The following GNG2 variants were observed in gnomAD, a reference collection of about 807,000 sequenced individuals.
GNG2 encodes the protein G protein subunit gamma 2.
GNG2 carries 5 observed loss-of-function variants against 5.5 expected under a neutral mutation model. The ratio of observed to expected loss-of-function variants is 0.91; its 90% CI spans 0.48 to 1.92. The LOEUF is 1.92. Ranked by LOEUF, GNG2 falls within the 30% of genes most tolerant of loss-of-function variation. The probability of loss-of-function intolerance (pLI) is 0.01; values close to 1 mark genes in which losing one functional copy is unlikely to be tolerated. For missense variants in GNG2, 55 were observed against 88.4 expected (o/e 0.62, Z 1.52); for synonymous variants, 28 against 32.0 (o/e 0.88, Z 0.42).
At chr14:51,941,638 A>C (rs1184584582) in intron 2 of GNG2, among the ~76,000 whole-genome samples, 1 of 152,222 alleles carries the variant, frequency 6.6e-6, no homozygotes, top group Non-Finnish European at 1.5e-5. Context: ...ACCCATTAAC[A>C]AACCATTTAT....
At chr14:51,955,601 C>T (rs1415185795) in intron 3 of GNG2, among the ~76,000 whole-genome samples, 4 of 152,032 alleles carry the variant, frequency 2.6e-5, no homozygotes, top group African/African-American at 9.7e-5. Flanking sequence ...TACTATATTC[C>T]CCATGACATT....
At chr14:51,911,159 G>A (rs929412814) in intron 2 of GNG2, among the ~76,000 whole-genome samples, 2 of 152,182 alleles carry the variant, frequency 1.3e-5, no homozygotes, top group Non-Finnish European at 2.9e-5. Context: ...ACCATTGGTC[G>A]GCTTTGGCAT....
rs373901333 is a variant in GNG2, at chr14:51,966,718, G to A, written c.*31G>A. 12 of 1,604,108 alleles carry A rather than the reference G, an allele frequency of 7.5e-6. No individual in the cohort carries two copies. Among genetic ancestry groups the A allele is most frequent in the Non-Finnish European group, 1.0e-5 (12 of 1,171,220 alleles). Reference sequence around the variant, plus strand: ...TGAGAGGGGCCTGAAGAGCCTCCGGGCTCCTGGGACATTGATGTAGAGTTT... The same window carrying A: ...TGAGAGGGGCCTGAAGAGCCTCCGGACTCCTGGGACATTGATGTAGAGTTT... On this transcript the variant is annotated 3_prime_UTR_variant, in exon 4 of 4. Coordinates refer to ENST00000556766, the MANE Select transcript of GNG2 (RefSeq NM_053064.5).
chr14:51,960,973 C>T (rs944795652), intron 3 of GNG2, among the ~76,000 whole-genome samples: 9 of 152,166 alleles, frequency 5.9e-5, no homozygotes, highest in African/African-American at 2.2e-4. Flanking sequence ...GCCTTAAGAG[C>T]TTTCTCTCCC....
chr14:51,942,671 T>C (rs1888413591), intron 2 of GNG2, among the ~76,000 whole-genome samples: 2 of 147,986 alleles, frequency 1.4e-5, no homozygotes, highest in Admixed American at 1.4e-4. Context: ...CAATCCTCCC[T>C]TCTCAGCGCC....
At position 51,931,342 on chromosome 14, in the gene GNG2, A is replaced by G. The variant is rs1370783620; in HGVS notation, c.-29-19308A>G. 2.6e-5 allele frequency among the ~76,000 whole-genome samples: 4 copies of G among 152,274 alleles called. No homozygotes were observed. The East Asian group carries it at 7.7e-4, about 29-fold the overall frequency. On this transcript the variant is annotated intron_variant, in intron 2 of 3. Coordinates refer to ENST00000556766, the MANE Select transcript of GNG2 (RefSeq NM_053064.5). ...AAATTGAGCTGCCATTGACTGCTAT[A>G]TGGGAAAGACTGTAAGAAGAGCAGG...
chr14:51,837,572 A>G (rs1881365699), intron 2 of GNG2, among the ~76,000 whole-genome samples: 1 of 151,646 alleles, frequency 6.6e-6, no homozygotes, highest in Admixed American at 6.6e-5. Context: ...TCTTGAACCC[A>G]GGACGCAGAG....
chr14:51,872,699 T>C (rs1448964600), intron 1 of GNG2, among the ~76,000 whole-genome samples: 1 of 152,244 alleles, frequency 6.6e-6, no homozygotes, highest in East Asian at 1.9e-4. Flanking sequence ...CCTATTGTGA[T>C]GTTCCAGTTA....
chr14:51,885,952 C>T (rs1884432547), intron 2 of GNG2, among the ~76,000 whole-genome samples: 1 of 152,144 alleles, frequency 6.6e-6, no homozygotes, highest in African/African-American at 2.4e-5. Context: ...AGCATCACTT[C>T]ACTTTTATAG....
Position 51,916,963 on chromosome 14 carries a change from A to G in GNG2, c.-29-33687A>G, listed in dbSNP as rs187766641. Among the ~76,000 whole-genome samples, 152 of 152,236 alleles carry G rather than the reference A, an allele frequency of 1.0e-3. 1 individual carries two copies. The highest frequency in any genetic ancestry group is 2.3e-3 in the Admixed American group (35 of 15,284). On this transcript the variant is annotated intron_variant, in intron 2 of 3. Coordinates refer to ENST00000556766, the MANE Select transcript of GNG2 (RefSeq NM_053064.5). ...TATGAGACTTAAGGAAGCAAAATCT[A>G]TTTCAGACCTCACCCATTGATGGAG...
At chr14:51,868,253 G>A (rs1883054663) in intron 1 of GNG2, among the ~76,000 whole-genome samples, 1 of 151,878 alleles carries the variant, frequency 6.6e-6, no homozygotes, top group African/African-American at 2.4e-5. Context: ...CGAGTATTGA[G>A]AGAGACTCAG....
rs556765732 is a variant in GNG2 at position 51,841,745 on chromosome 14, A to G, written c.64+13938A>G. 2.6e-5 allele frequency among the ~76,000 whole-genome samples: 4 copies of G among 152,338 alleles called. 1 individual carries two copies. The highest frequency in any genetic ancestry group is 9.6e-5 in the African/African-American group (4 of 41,588). On this transcript the variant is annotated intron_variant, in intron 2 of 3. Coordinates refer to the GNG2 transcript ENST00000553432. Reference sequence around the variant, plus strand: ...TTGTGAAATAGACATGACTTCCAGCATATAGAGGTAGGTATAGATACAAGG... The same window carrying G: ...TTGTGAAATAGACATGACTTCCAGCGTATAGAGGTAGGTATAGATACAAGG...
At chr14:51,853,372 C>T (rs534160541) in intron 2 of GNG2, among the ~76,000 whole-genome samples, 1 of 152,272 alleles carries the variant, frequency 6.6e-6, no homozygotes, top group African/African-American at 2.4e-5. Flanking sequence ...ATAGTTCCCT[C>T]CACTGCTATG....
intron 1 of GNG2, among the ~76,000 whole-genome samples, chr14:51,867,485 A>G (rs12885784): frequency 0.66 from 100,963 of 152,080 alleles, 33,848 homozygotes; most frequent in African/African-American, 0.73. Flanking sequence ...TGACAATTCA[A>G]CTTCACTGTC....
intron 2 of GNG2, among the ~76,000 whole-genome samples, chr14:51,897,977 AT>A (rs1280311244): frequency 1.3e-5 from 2 of 152,202 alleles, no homozygotes; most frequent in East Asian, 3.8e-4. Context: ...CCCTCTGGCT[AT>A]GTATTTAACA....
At chr14:51,831,108 T>A (rs887809341) in intron 2 of GNG2, among the ~76,000 whole-genome samples, 1 of 152,196 alleles carries the variant, frequency 6.6e-6, no homozygotes, top group Admixed American at 6.5e-5. Context: ...CTCCTCCAGA[T>A]CTCTGCTTTG....
At chr14:51,891,060 A>G (rs1393525589) in intron 2 of GNG2, among the ~76,000 whole-genome samples, 1 of 152,208 alleles carries the variant, frequency 6.6e-6, no homozygotes, top group African/African-American at 2.4e-5. Context: ...TAAATGGCAG[A>G]TAAAGGCAAG....
chr14:51,846,699 G>T (rs1025144456), intron 2 of GNG2, among the ~76,000 whole-genome samples: 1 of 152,218 alleles, frequency 6.6e-6, no homozygotes, highest in East Asian at 1.9e-4. Flanking sequence ...GCATCTGCCT[G>T]CCCGTCACCA....
At chr14:51,879,848 T>C (rs1225090669) in intron 2 of GNG2, among the ~76,000 whole-genome samples, 1 of 152,194 alleles carries the variant, frequency 6.6e-6, no homozygotes, top group Non-Finnish European at 1.5e-5. Context: ...TCTTTATCTG[T>C]AAGGTTATGT....
Sources: gnomAD v4.1 joint callset for allele counts (sites outside exome capture counted in the v4.1 genomes callset) on GRCh38, gnomAD v4.1.1 for gene constraint, MANE v1.5 for transcripts, NCBI Gene and HGNC (gene_info 2026-07-23, HGNC 2026-07-21) for gene names.